Variants in CFAP61 observed in about 807,000 individuals in gnomAD.
CFAP61 encodes the protein cilia- and flagella-associated protein 61.
CFAP61 carries 107 observed loss-of-function variants against 135.6 expected under a neutral mutation model. The observed-to-expected ratio is 0.79, with a 90% CI of 0.67 to 0.93. CFAP61 has a LOEUF of 0.93. CFAP61 is among the 40% of genes least tolerant of loss of function. CFAP61 has a pLI of 0.00. For missense variants in CFAP61, 1,507 were observed against 1,556.2 expected (o/e 0.97, Z 0.53); for synonymous variants, 575 against 578.5 (o/e 0.99, Z 0.09).
chr20:20,257,545 C>CA (rs1484450524), intron 20 of CFAP61, among the ~76,000 whole-genome samples: 1 of 146,748 alleles, frequency 6.8e-6, no homozygotes, highest in African/African-American at 2.5e-5. Context: ...AACCAGGAGG[C>CA]AGAGGTTGCA....
intron 6 of CFAP61, chr20:20,085,637 A>G (rs1268214000): frequency 4.7e-6 from 3 of 634,848 alleles, no homozygotes; most frequent in Admixed American, 4.9e-5. Flanking sequence ...TTATAGCTAC[A>G]GAGTAATATT....
At chr20:20,175,334 G>A (rs1026624401) in intron 13 of CFAP61, among the ~76,000 whole-genome samples, 2 of 152,178 alleles carry the variant, frequency 1.3e-5, no homozygotes, top group African/African-American at 4.8e-5. Flanking sequence ...TCCAGGGATC[G>A]GCAGCAGCAG....
intron 10 of CFAP61, among the ~76,000 whole-genome samples, chr20:20,161,471 T>TA (rs1601074010): frequency 6.6e-6 from 1 of 152,062 alleles, no homozygotes; most frequent in East Asian, 1.9e-4. Context: ...ATATTGAGAA[T>TA]AAAAAAATCA....
At chr20:20,127,649 G>A (rs2050169436) in intron 8 of CFAP61, among the ~76,000 whole-genome samples, 1 of 151,626 alleles carries the variant, frequency 6.6e-6, no homozygotes, top group South Asian at 2.1e-4. Flanking sequence ...TCGGGGTGGG[G>A]GTTGAAATGG....
At chr20:20,099,996 A>G (rs1341971823) in intron 8 of CFAP61, among the ~76,000 whole-genome samples, 2 of 152,054 alleles carry the variant, frequency 1.3e-5, no homozygotes, top group African/African-American at 4.8e-5. Context: ...ACCCTCCCCA[A>G]AAGAGATTTG....
intron 19 of CFAP61, among the ~76,000 whole-genome samples, chr20:20,246,504 G>T (rs2050470614): frequency 6.6e-6 from 1 of 152,206 alleles, no homozygotes; most frequent in Non-Finnish European, 1.5e-5. Context: ...TGGGCTCTGA[G>T]TGACACTACA....
In CFAP61 at chr20:20,166,498, A is replaced by G. The variant is rs995472997; in HGVS notation, c.1245+62A>G. 1.2e-5 allele frequency: 15 copies of G among 1,296,404 alleles called. No homozygotes were observed. The African/African-American group carries it at 1.6e-4, about 14-fold the overall frequency. 80.3% of individuals were successfully genotyped at this position (1,296,404 alleles called of 1,614,324 possible). A position where few individuals can be genotyped will look rare whatever the true frequency, so the allele number is the denominator to read the frequency against. On this transcript the variant is annotated intron_variant, in intron 12 of 26. Coordinates refer to ENST00000245957, the MANE Select transcript of CFAP61 (RefSeq NM_015585.4). ...AGCTTAGAGAACTTATAGAAAAGTA[A>G]AATGCCATAAATTTATTATGCTGTG...
intron 15 of CFAP61, among the ~76,000 whole-genome samples, chr20:20,193,536 TATG>T (rs1484799374): frequency 1.2e-4 from 18 of 151,482 alleles, no homozygotes; most frequent in Admixed American, 3.9e-4. Flanking sequence ...TCTACACAAA[TATG>T]ATAAGTTTTC....
chr20:20,301,865 G>C (rs968432558), intron 25 of CFAP61, among the ~76,000 whole-genome samples: 3 of 152,028 alleles, frequency 2.0e-5, no homozygotes, highest in Admixed American at 2.0e-4. Flanking sequence ...TCTTCAAGAG[G>C]GTCTTGGGTA....
At chr20:20,231,312 C>T (rs1008053652) in intron 18 of CFAP61, among the ~76,000 whole-genome samples, 2 of 152,134 alleles carry the variant, frequency 1.3e-5, no homozygotes, top group African/African-American at 4.8e-5. Context: ...CTGAGTCCTG[C>T]GTCTTGTCCT....
rs190430348 is a variant in CFAP61 at position 20,287,191 on chromosome 20, A to G, written c.2797-1418A>G. Among the ~76,000 whole-genome samples, 439 of 151,424 alleles carry G rather than the reference A, an allele frequency of 2.9e-3. 7 individuals are homozygous for G. Among genetic ancestry groups the G allele is most frequent in the Admixed American group, 0.026 (391 of 15,192 alleles). ...CCACTGGGTAAGAGTTATAAGACAG[A>G]AAAAAAAAGAAAAAGACTTGAAAGA... On this transcript the variant is annotated intron_variant, in intron 22 of 26. Coordinates refer to ENST00000245957, the MANE Select transcript of CFAP61 (RefSeq NM_015585.4).
chr20:20,267,515 G>A (rs367828948), intron 21 of CFAP61: 1 of 152,574 alleles, frequency 6.6e-6, no homozygotes, highest in Non-Finnish European at 1.5e-5. Context: ...GTAGCCAATA[G>A]GGGCGAGGCA....
intron 8 of CFAP61, among the ~76,000 whole-genome samples, chr20:20,137,244 C>T (rs2051002327): frequency 1.3e-5 from 2 of 152,166 alleles, no homozygotes; most frequent in South Asian, 4.1e-4. Flanking sequence ...CCAAGGCCCA[C>T]TGTAACCACT....
At chr20:20,250,325 G>A (rs1043732829) in intron 19 of CFAP61, among the ~76,000 whole-genome samples, 2 of 152,142 alleles carry the variant, frequency 1.3e-5, no homozygotes, top group African/African-American at 2.4e-5. Context: ...TCCTTATAGC[G>A]GTCAGCAGTG....
chr20:20,098,097 A>T (rs1027552185), intron 7 of CFAP61, among the ~76,000 whole-genome samples: 2 of 152,138 alleles, frequency 1.3e-5, no homozygotes, highest in South Asian at 4.1e-4. Context: ...CCAATGGTTG[A>T]AGGGTCAAGA....
At chr20:20,281,968 T>G (rs1024052846) in intron 22 of CFAP61, among the ~76,000 whole-genome samples, 13 of 152,252 alleles carry the variant, frequency 8.5e-5, no homozygotes, top group African/African-American at 1.2e-4. Context: ...ATTTTCTGCT[T>G]CTTCTATAAA....
At chr20:20,311,496 G>A (rs1040010588) in intron 25 of CFAP61, among the ~76,000 whole-genome samples, 6 of 152,188 alleles carry the variant, frequency 3.9e-5, no homozygotes, top group African/African-American at 1.4e-4. Flanking sequence ...TCCAGCTGAC[G>A]GCCTTGAGAG....
chr20:20,327,777 CAAAAAAAA>C lies in CFAP61; in HGVS notation c.3423-14033_3423-14026del, dbSNP rs60171844. 9.6e-4 allele frequency among the ~76,000 whole-genome samples: 58 copies of C among 60,350 alleles called. 1 individual carries two copies. The highest frequency in any genetic ancestry group is 2.5e-3 in the South Asian group (3 of 1,222). The allele number at this position is 60,350 out of a possible 152,430, so 39.6% of individuals were successfully genotyped here. On this transcript the variant is annotated intron_variant, in intron 25 of 26. Coordinates refer to ENST00000245957, the MANE Select transcript of CFAP61 (RefSeq NM_015585.4). ...CCTGGGCAACAGAGCAAGAGCCTGT[CAAAAAAAA>C]AAAAAAAAAAAAAAAAAAAACAGAA...
intron 13 of CFAP61, among the ~76,000 whole-genome samples, chr20:20,173,951 T>C (rs922335838): frequency 1.3e-5 from 2 of 152,206 alleles, no homozygotes; most frequent in African/African-American, 4.8e-5. Flanking sequence ...TCTTTTACTG[T>C]GTCCATGCAC....
Sources: allele counts gnomAD v4.1 joint callset (sites outside exome capture counted in the v4.1 genomes callset), GRCh38; gene constraint gnomAD v4.1.1; transcripts MANE v1.5; gene names NCBI Gene and HGNC (gene_info 2026-07-23, HGNC 2026-07-21).